Variants in MYO10 observed in about 807,000 individuals in gnomAD.
MYO10 encodes myosin X, also known as unconventional myosin-X.
A neutral mutation model predicts 257.3 loss-of-function variants in MYO10; 133 were observed. That is an observed-to-expected ratio of 0.52 (90% CI 0.45 to 0.60). MYO10 has a LOEUF of 0.60. MYO10 is among the 20% of genes least tolerant of loss of function. The pLI is 0.00. For missense variants in MYO10, 2,399 were observed against 2,635.7 expected (o/e 0.91, Z 1.97); for synonymous variants, 1,104 against 1,028.6 (o/e 1.07, Z -1.40).
chr5:16,866,646 G>T (rs1315016925), intron 2 of MYO10, among the ~76,000 whole-genome samples: 3 of 151,950 alleles, frequency 2.0e-5, no homozygotes, highest in African/African-American at 7.3e-5. Flanking sequence ...AGAGAAAAAG[G>T]GGTAAGATGT....
At chr5:16,835,823 G>C (rs202138741) in intron 2 of MYO10, among the ~76,000 whole-genome samples, 1 of 135,168 alleles carries the variant, frequency 7.4e-6, no homozygotes, top group Non-Finnish European at 1.6e-5. Context: ...AAAAAAAAAA[G>C]ACATTTTTGA....
At chr5:16,707,028 C>T (rs189989409) in intron 21 of MYO10, among the ~76,000 whole-genome samples, 59 of 152,260 alleles carry the variant, frequency 3.9e-4, no homozygotes, top group South Asian at 1.9e-3. Context: ...GGATCATGGG[C>T]GCAGGTCTTT....
chr5:16,797,090 A>T (rs1424974954), intron 3 of MYO10, among the ~76,000 whole-genome samples: 2 of 152,256 alleles, frequency 1.3e-5, no homozygotes, highest in Non-Finnish European at 2.9e-5. Context: ...AGCCAGGAAC[A>T]TCAAGCAAAG....
intron 1 of MYO10, among the ~76,000 whole-genome samples, chr5:16,909,489 G>C (rs915972849): frequency 1.5e-5 from 2 of 133,164 alleles, no homozygotes; most frequent in Admixed American, 8.4e-5. Flanking sequence ...CCAGCCAACA[G>C]AGCGAAACTC....
intron 9 of MYO10, among the ~76,000 whole-genome samples, chr5:16,776,507 T>C (rs561281290): frequency 2.0e-5 from 3 of 152,312 alleles, no homozygotes; most frequent in South Asian, 4.1e-4. Context: ...CTTTTATAAG[T>C]AGAATGTATT....
chr5:16,839,500 T>C (rs1267533153), intron 2 of MYO10, among the ~76,000 whole-genome samples: 3 of 152,040 alleles, frequency 2.0e-5, no homozygotes, highest in Non-Finnish European at 4.4e-5. Flanking sequence ...TTCCAGCACT[T>C]TGGGGGGCCA....
chr5:16,864,433 G>C (rs943704736), intron 2 of MYO10, among the ~76,000 whole-genome samples: 1 of 152,138 alleles, frequency 6.6e-6, no homozygotes, highest in Admixed American at 6.5e-5. Context: ...ACAGGTGGTG[G>C]CTCTTTGAAA....
chr5:16,837,433 GAGAC>G (rs1419599620), intron 2 of MYO10, among the ~76,000 whole-genome samples: 1 of 152,156 alleles, frequency 6.6e-6, no homozygotes, highest in African/African-American at 2.4e-5. Flanking sequence ...CAAATTCATA[GAGAC>G]AGAAAGTAGA....
chr5:16,840,803 G>T (rs1242928028), intron 2 of MYO10, among the ~76,000 whole-genome samples: 5 of 152,048 alleles, frequency 3.3e-5, no homozygotes, highest in Admixed American at 3.3e-4. Flanking sequence ...GAGAAAAAAG[G>T]AGATCCAACA....
chr5:16,719,509 G>T (rs1238309799), intron 19 of MYO10, among the ~76,000 whole-genome samples: 1 of 152,198 alleles, frequency 6.6e-6, no homozygotes, highest in Non-Finnish European at 1.5e-5. Flanking sequence ...AATACAGTGT[G>T]ACAACTCCTT....
At chr5:16,704,273 C>T (rs1738228544) in intron 22 of MYO10, among the ~76,000 whole-genome samples, 1 of 152,088 alleles carries the variant, frequency 6.6e-6, no homozygotes, top group East Asian at 1.9e-4. Context: ...TGCAATAAGC[C>T]ATGATCGTGC....
intron 9 of MYO10, 106 bp downstream of exon 9, chr5:16,779,439 A>C: frequency 1.6e-6 from 1 of 630,392 alleles, no homozygotes; most frequent in South Asian, 2.5e-5. Flanking sequence ...AAATGGAATT[A>C]CTTCTATTTC....
At chr5:16,858,405 C>T (rs1744022687) in intron 2 of MYO10, among the ~76,000 whole-genome samples, 1 of 146,310 alleles carries the variant, frequency 6.8e-6, no homozygotes, top group Non-Finnish European at 1.5e-5. Flanking sequence ...AACATACACA[C>T]ACAGCTGCTT....
intron 1 of MYO10, among the ~76,000 whole-genome samples, chr5:16,904,982 T>C (rs1469279348): frequency 6.6e-6 from 1 of 152,174 alleles, no homozygotes; most frequent in Admixed American, 6.6e-5. Context: ...AGTTTACTTA[T>C]TCCTCTACCT....
At position 16,702,549 on chromosome 5, in the gene MYO10, G is replaced by A; in HGVS notation, c.2550C>T (p.Ala850=). ...ERERREAELR[A]QQEEETRKQQ... is the part of the protein sequence containing the mutation. ...TTGTCACTGCACTCATTACCTGCTG[G>A]GCGCGGAGCTCGGCTTCTCTTCGCT... Residue 850 remains alanine (A), a synonymous_variant, in exon 24 of 41, where the codon GCC becomes GCT. Coordinates refer to ENST00000513610, the MANE Select transcript of MYO10 (RefSeq NM_012334.3). 6.3e-7 allele frequency: 1 copy of A among 1,591,756 alleles called. No individual in the cohort carries two copies. Among genetic ancestry groups the A allele is most frequent in the South Asian group, 1.2e-5 (1 of 86,878 alleles).
intron 19 of MYO10, among the ~76,000 whole-genome samples, chr5:16,741,476 C>G (rs560379068): frequency 6.6e-6 from 1 of 152,234 alleles, no homozygotes; most frequent in South Asian, 2.1e-4. Context: ...GGAAAAAATT[C>G]AAACAAAAGA....
Position 16,701,361 on chromosome 5 carries a change from C to T in MYO10, c.3034G>A (p.Glu1012Lys). 3 of 1,613,954 alleles carry T rather than the reference C, an allele frequency of 1.9e-6. No homozygotes were observed. Among genetic ancestry groups the T allele is most frequent in the South Asian group, 2.2e-5 (2 of 91,072 alleles). ...GTTCGCTGGTCTGAGTGGCCGTGCT[C>T]GCTGGGGTTGGGGGAGTCCTTGAAG... is the stretch of plus-strand genomic sequence containing the variant. ...DAFKDSPNPS[E>K]HGHSDQRTSG... The change falls in exon 25 of 41, where the codon GAG (glutamate) becomes AAG (lysine). Residue 1012 changes from glutamate (E) to lysine (K), a missense_variant. Glu to Lys is a moderately conservative substitution (Grantham distance 56). Coordinates refer to ENST00000513610, the MANE Select transcript of MYO10 (RefSeq NM_012334.3). This position sits in a 1 kb window ranked among gnomAD's most constrained non-coding sequence, Gnocchi z 8.1.
intron 3 of MYO10, among the ~76,000 whole-genome samples, chr5:16,796,442 C>CAGAGAGAAAGAA (rs1553997257): frequency 8.3e-6 from 1 of 120,764 alleles, no homozygotes; most frequent in Non-Finnish European, 1.7e-5. Flanking sequence ...AAAAGAAAGA[C>CAGAGAGAAAGAA]AGAAAGAAAG....
chr5:16,887,633 G>C (rs1294712903), intron 1 of MYO10, among the ~76,000 whole-genome samples: 2 of 152,138 alleles, frequency 1.3e-5, no homozygotes, highest in African/African-American at 4.8e-5. Flanking sequence ...TGGGGCTACA[G>C]GTGCGCACCA....
Sources: gnomAD v4.1 joint callset for allele counts (sites outside exome capture counted in the v4.1 genomes callset) on GRCh38, gnomAD v4.1.1 for gene constraint, Gnocchi (gnomAD v3.1) non-coding constraint, MANE v1.5 for transcripts, NCBI Gene and HGNC (gene_info 2026-07-23, HGNC 2026-07-21) for gene names.